Variants in ZC3H12B observed in about 807,000 individuals in gnomAD.
The protein encoded by ZC3H12B is zinc finger CCCH-type containing 12B.
A neutral mutation model predicts 43.9 loss-of-function variants in ZC3H12B; 7 were observed. The observed-to-expected ratio is 0.16, with a 90% CI of 0.09 to 0.30. ZC3H12B has a LOEUF of 0.30. ZC3H12B is among the 10% of genes least tolerant of loss of function. The pLI is 1.00. For synonymous variants in ZC3H12B, 222 were observed against 241.7 expected (o/e 0.92, Z 0.76); for missense variants, 475 against 670.2 (o/e 0.71, Z 3.22).
the ZC3H12B span, among the ~76,000 whole-genome samples, chrX:65,256,360 A>G: frequency 2.4e-4 from 26 of 106,209 alleles, no homozygotes; most frequent in Non-Finnish European, 4.1e-4. Flanking sequence ...CAGCACAATA[A>G]AAATAGAAAT....
the ZC3H12B span, among the ~76,000 whole-genome samples, chrX:65,046,514 G>T: frequency 9.0e-6 from 1 of 111,719 alleles, no homozygotes; most frequent in Non-Finnish European, 1.9e-5. Context: ...ATTAAAAAGA[G>T]TTAGGGCCTT....
intron 3 of ZC3H12B, among the ~76,000 whole-genome samples, chrX:65,480,410 C>G (rs2068048416): frequency 8.9e-6 from 1 of 112,319 alleles, no homozygotes; most frequent in African/African-American, 3.2e-5. Context: ...ATCAATGACT[C>G]ACAAGAAATC....
the ZC3H12B span, among the ~76,000 whole-genome samples, chrX:65,356,091 TG>T: frequency 3.6e-5 from 4 of 112,153 alleles, no homozygotes; most frequent in East Asian, 8.3e-4. Flanking sequence ...AAAATCCTAG[TG>T]AAATGGATAG....
At chrX:65,075,408 A>G in the ZC3H12B span, among the ~76,000 whole-genome samples, 1 of 112,587 alleles carries the variant, frequency 8.9e-6, no homozygotes, top group East Asian at 2.8e-4. Context: ...CTGTGTTAAC[A>G]TCTGTCTTCT....
the ZC3H12B span, among the ~76,000 whole-genome samples, chrX:65,096,201 C>T: frequency 1.2e-5 from 1 of 81,154 alleles, no homozygotes; most frequent in Non-Finnish European, 2.3e-5. Flanking sequence ...AAACAACACA[C>T]ACTGGGGCCT....
chrX:65,223,174 C>A, the ZC3H12B span, among the ~76,000 whole-genome samples: 1 of 111,415 alleles, frequency 9.0e-6, no homozygotes, highest in Non-Finnish European at 1.9e-5. Flanking sequence ...GGGTAATTGG[C>A]AAGCCACAGG....
At chrX:65,320,785 C>A in the ZC3H12B span, among the ~76,000 whole-genome samples, 1 of 112,133 alleles carries the variant, frequency 8.9e-6, no homozygotes, top group Non-Finnish European at 1.9e-5. Flanking sequence ...CTGACAAAAA[C>A]AAGTAATGGG....
intron 2 of ZC3H12B, among the ~76,000 whole-genome samples, chrX:65,376,703 G>C (rs186836235): frequency 1.8e-5 from 2 of 112,226 alleles, no homozygotes; most frequent in Non-Finnish European, 3.8e-5. Flanking sequence ...AGAAACCACA[G>C]TATTACTGGG....
At chrX:65,167,891 C>T in the ZC3H12B span, among the ~76,000 whole-genome samples, 5 of 112,074 alleles carry the variant, frequency 4.5e-5, no homozygotes, top group Non-Finnish European at 7.5e-5. Flanking sequence ...GTTCTGTATC[C>T]TGAGACTTTC....
chrX:65,168,981 A>C, the ZC3H12B span, among the ~76,000 whole-genome samples: 7 of 111,412 alleles, frequency 6.3e-5, no homozygotes, highest in Non-Finnish European at 1.1e-4. Flanking sequence ...TTTTCAAAAA[A>C]ACAAATCCTG....
At chrX:65,035,465 G>C in the ZC3H12B span, among the ~76,000 whole-genome samples, 54 of 112,342 alleles carry the variant, frequency 4.8e-4, no homozygotes, top group Non-Finnish European at 8.6e-4. Flanking sequence ...CTGGCGTCCA[G>C]GAATGCGGGG....
rs1258669562 is a variant in ZC3H12B at position 65,501,780 on chromosome X, A to G, written c.1091-9A>G. ...AGAGAGAGTCTTACCCCAAGGCATT[A>G]TTTTTCAGGCAAAAAATGCACCTAC... is the stretch of plus-strand genomic sequence containing the variant. On this transcript the variant is annotated splice_polypyrimidine_tract_variant and intron_variant, in intron 4 of 4. Coordinates refer to ENST00000338957, the Ensembl canonical transcript of ZC3H12B. The G allele has an allele frequency of 3.5e-6, 4 of 1,138,145 alleles. No individual in the cohort carries two copies. The African/African-American group carries it at 7.3e-5, about 21-fold the overall frequency. The allele number at this position is 1,138,145 out of a possible 1,213,427, so 93.8% of individuals were successfully genotyped here.
chrX:65,425,711 G>C (rs2067073067), intron 3 of ZC3H12B, among the ~76,000 whole-genome samples: 1 of 111,710 alleles, frequency 9.0e-6, no homozygotes, highest in Non-Finnish European at 1.9e-5. Flanking sequence ...TGCATCTATT[G>C]AGTTAATCAT....
intron 3 of ZC3H12B, among the ~76,000 whole-genome samples, chrX:65,446,043 A>C (rs905089989): frequency 3.6e-5 from 4 of 110,965 alleles, no homozygotes; most frequent in Admixed American, 2.9e-4. Flanking sequence ...TCAAGGCCCA[A>C]AGGCTCTTTA....
chrX:65,379,247 C>T (rs1316990192), intron 2 of ZC3H12B, among the ~76,000 whole-genome samples: 1 of 111,772 alleles, frequency 8.9e-6, no homozygotes, highest in Non-Finnish European at 1.9e-5. Context: ...TCCCAGCACG[C>T]AGCTGGAGAT....
chrX:65,078,094 A>C, the ZC3H12B span, among the ~76,000 whole-genome samples: 1 of 111,996 alleles, frequency 8.9e-6, no homozygotes, highest in African/African-American at 3.2e-5. Context: ...CAAGGATTTT[A>C]TCCTAAGCAA....
chrX:65,199,777 ATT>A, the ZC3H12B span, among the ~76,000 whole-genome samples: 1,025 of 92,582 alleles, frequency 0.011, 15 homozygotes, highest in African/African-American at 0.037. Flanking sequence ...ACATGATCTC[ATT>A]TTTTTTTTTT....
chrX:65,042,088 A>G, the ZC3H12B span, among the ~76,000 whole-genome samples: 1 of 112,702 alleles, frequency 8.9e-6, no homozygotes, highest in South Asian at 3.6e-4. Context: ...TGCCTATCAC[A>G]GTAATGATAA....
At chrX:65,153,383 A>G in the ZC3H12B span, among the ~76,000 whole-genome samples, 2 of 112,272 alleles carry the variant, frequency 1.8e-5, no homozygotes, top group Non-Finnish European at 3.8e-5. Flanking sequence ...AAACAAATTT[A>G]CAAGAAAAAA....
Sources: allele counts gnomAD v4.1 joint callset (sites outside exome capture counted in the v4.1 genomes callset), GRCh38; gene constraint gnomAD v4.1.1; transcripts MANE v1.5; gene names NCBI Gene and HGNC (gene_info 2026-07-23, HGNC 2026-07-21).